EMC8: variants seen among roughly 807,000 people sequenced by gnomAD.
EMC8 encodes the protein ER membrane protein complex subunit 8, also known as COX4 neighbor.
Under a neutral mutation model 24.3 loss-of-function variants are expected in EMC8, and 11 were observed. The observed-to-expected ratio is 0.45, with a 90% CI of 0.28 to 0.75. EMC8 has a LOEUF of 0.75. Among genes scored for constraint, EMC8 ranks in the 30% least tolerant of loss-of-function variants. The pLI, the probability that EMC8 is intolerant of heterozygous loss-of-function variation, is 0.12. For missense variants in EMC8, 277 were observed against 282.7 expected, an observed-to-expected ratio of 0.98 and a Z score of 0.14; for synonymous variants, 145 against 117.7, an observed-to-expected ratio of 1.23 and a Z score of -1.50.
At chr16:85,793,380 A>T (rs944458099) in intron 1 of EMC8, among the ~76,000 whole-genome samples, 1 of 152,220 alleles carries the variant, frequency 6.6e-6, no homozygotes, top group Non-Finnish European at 1.5e-5. Flanking sequence ...ACTGAGAAGG[A>T]AAGTTCCTTC....
At chr16:85,789,103 A>G (rs2152074827) in intron 1 of EMC8, 53 bp from the exon 2 acceptor site, 1 of 1,214,108 alleles carries the variant, frequency 8.2e-7, no homozygotes, top group Non-Finnish European at 1.2e-6. Flanking sequence ...CTTAAATATC[A>G]AGTCGTAAAA....
intron 2 of EMC8, among the ~76,000 whole-genome samples, chr16:85,786,761 A>G (rs1270853139): frequency 1.3e-5 from 2 of 152,172 alleles, no homozygotes; most frequent in Non-Finnish European, 1.5e-5. Flanking sequence ...AGGTATGGAG[A>G]GCAGGAAAAC....
chr16:85,783,298 G>A (rs1325703253), intron 2 of EMC8, among the ~76,000 whole-genome samples: 2 of 848 alleles, frequency 2.4e-3, no homozygotes, highest in African/African-American at 3.5e-3. Flanking sequence ...GAGACTCCAC[G>A]TCAAAAAAAA....
rs1904394887 is a variant in EMC8, at chr16:85,779,632, T to A, written c.*76A>T. 1 of 1,479,870 alleles carries A rather than the reference T, an allele frequency of 6.8e-7. No individual in the cohort carries two copies. The highest frequency in any genetic ancestry group is 2.3e-5 in the East Asian group (1 of 43,860). 91.7% of individuals were successfully genotyped at this position (1,479,870 alleles called of 1,614,324 possible). ...GCTTTCCACACAGGCTACAAGATAT[T>A]TTATTTACATTTAAAAATAGGTTTT... is the stretch of plus-strand genomic sequence containing the variant. On this transcript the variant is annotated 3_prime_UTR_variant, in exon 5 of 5. Transcript: ENST00000253457.
intron 1 of EMC8, chr16:85,798,742 G>A (rs76805068): frequency 0.016 from 5,260 of 318,846 alleles, 257 homozygotes; most frequent in African/African-American, 0.1. Flanking sequence ...AATCCTCAAG[G>A]GAAACTCTGT....
chr16:85,783,386 G>A (rs988517023), intron 2 of EMC8, among the ~76,000 whole-genome samples: 8 of 152,124 alleles, frequency 5.3e-5, no homozygotes, highest in African/African-American at 1.4e-4. Context: ...CACAAACTCC[G>A]GGTCTCAATC....
chr16:85,788,594 G>A lies in EMC8; in HGVS notation c.308+380C>T, dbSNP rs146392132. ...TCAGAGTACTGACCCCAAACCTACA[G>A]GCTGGTCTATTTACCGGCAAATAGA... On this transcript the variant is annotated intron_variant, in intron 2 of 4. Coordinates refer to ENST00000253457, the MANE Select transcript of EMC8 (RefSeq NM_006067.5). Among the ~76,000 whole-genome samples, 139 of 152,320 alleles carry A rather than the reference G, an allele frequency of 9.1e-4. 1 individual carries two copies. The East Asian group carries it at 0.024, about 26-fold the overall frequency.
At chr16:85,797,932 T>A (rs1905315345) in intron 1 of EMC8, among the ~76,000 whole-genome samples, 1 of 152,170 alleles carries the variant, frequency 6.6e-6, no homozygotes, top group Non-Finnish European at 1.5e-5. Context: ...ATAGATGGTC[T>A]TTTTCCCTTC....
At chr16:85,785,532 T>C (rs1427959526) in intron 2 of EMC8, among the ~76,000 whole-genome samples, 2 of 152,136 alleles carry the variant, frequency 1.3e-5, no homozygotes, top group Non-Finnish European at 2.9e-5. Flanking sequence ...ATCGTGCCAC[T>C]GCACTCCAGC....
chr16:85,782,059 C>G (rs1324048253), intron 2 of EMC8, among the ~76,000 whole-genome samples: 1 of 152,226 alleles, frequency 6.6e-6, no homozygotes, highest in Non-Finnish European at 1.5e-5. Context: ...GAGAGCATCT[C>G]CTAACGGAAG....
At chr16:85,784,650 C>A (rs1316080350) in intron 2 of EMC8, 1 of 151,990 alleles carries the variant, frequency 6.6e-6, no homozygotes, top group Non-Finnish European at 1.5e-5. Flanking sequence ...CTTCACTGCA[C>A]TGACCAGGAC....
chr16:85,781,270 C>T lies in EMC8; in HGVS notation c.319G>A (p.Val107Ile). The T allele has an allele frequency of 6.4e-7, 1 of 1,573,234 alleles. No individual in the cohort carries two copies. Residue 107 changes from valine (V) to isoleucine (I), a missense_variant, in exon 3 of 5, where the codon GTT becomes ATT. By Grantham distance (29) the Val-to-Ile change is conservative. Coordinates refer to ENST00000253457, the MANE Select transcript of EMC8 (RefSeq NM_006067.5). ...ATTCTGGAGGCCACCTTCTCTGCAA[C>T]CTGGTTTGGACTGTCAAAGAAATAG... is the stretch of plus-strand genomic sequence containing the variant. Reference protein sequence around the residue: ...ERVKDASPNQVAEKVASRIAE... With the variant: ...ERVKDASPNQIAEKVASRIAE...
At chr16:85,795,938 G>A (rs1905228241) in intron 1 of EMC8, among the ~76,000 whole-genome samples, 1 of 152,096 alleles carries the variant, frequency 6.6e-6, no homozygotes, top group African/African-American at 2.4e-5. Context: ...GGTGTGTGGG[G>A]AAACTCCTAT....
chr16:85,789,750 C>A lies in EMC8; in HGVS notation c.232-700G>T, dbSNP rs181917649. 6.6e-5 allele frequency among the ~76,000 whole-genome samples: 10 copies of A among 152,008 alleles called. No individual in the cohort carries two copies. In the East Asian group the frequency reaches 1.7e-3, roughly 26 times the overall value. Reference sequence around the variant, plus strand: ...GAGGTTGCAGTGAGCCAAGATCATGCCACTGCACTCCAGCCTGGGTGACAA... The same window carrying A: ...GAGGTTGCAGTGAGCCAAGATCATGACACTGCACTCCAGCCTGGGTGACAA... On this transcript the variant is annotated intron_variant, in intron 1 of 4. Transcript: ENST00000253457.
At chr16:85,794,680 C>T (rs1905173104) in intron 1 of EMC8, among the ~76,000 whole-genome samples, 2 of 152,196 alleles carry the variant, frequency 1.3e-5, no homozygotes, top group Non-Finnish European at 2.9e-5. Flanking sequence ...CAGAGTGAGA[C>T]TCCATCTCGG....
intron 3 of EMC8, chr16:85,780,970 T>C: frequency 3.6e-6 from 2 of 550,882 alleles, no homozygotes; most frequent in Admixed American, 3.2e-5. Context: ...TTCTAACAAG[T>C]TCCCAGGTGC....
chr16:85,785,400 T>A (rs1904707477), intron 2 of EMC8, among the ~76,000 whole-genome samples: 1 of 151,986 alleles, frequency 6.6e-6, no homozygotes. Flanking sequence ...TGAAACCCCG[T>A]CTCTACTAAA....
At chr16:85,781,179 G>A (rs774897172) in intron 3 of EMC8, 32 bp downstream of exon 3, 19 of 1,555,874 alleles carry the variant, frequency 1.2e-5, no homozygotes, top group African/African-American at 2.7e-5. Context: ...GAGGCGCAAG[G>A]GCCTCCCACA....
chr16:85,799,040 G>C lies in EMC8; in HGVS notation c.231+25C>G, dbSNP rs968906997. 47 of 1,470,716 alleles carry C rather than the reference G, an allele frequency of 3.2e-5. No individual in the cohort carries two copies. Among genetic ancestry groups the C allele is most frequent in the Non-Finnish European group, 4.2e-5 (45 of 1,080,966 alleles). The allele number at this position is 1,470,716 out of a possible 1,614,324, so 91.1% of individuals were successfully genotyped here. ...GAGGGGAGGCCAGGCTGCCTGCAAGGGGAAGGGGCCCTTTCCGCGCTTACC... is the reference window on the plus strand; with the variant it reads ...GAGGGGAGGCCAGGCTGCCTGCAAGCGGAAGGGGCCCTTTCCGCGCTTACC... On this transcript the variant is annotated intron_variant, in intron 1 of 4. Transcript: ENST00000253457. The surrounding 1 kb of genome is among the most constrained non-coding windows in gnomAD (Gnocchi z 4.2).
Sources: allele counts gnomAD v4.1 joint callset (sites outside exome capture counted in the v4.1 genomes callset), GRCh38; gene constraint gnomAD v4.1.1; non-coding constraint Gnocchi (gnomAD v3.1); transcripts MANE v1.5; gene names NCBI Gene and HGNC (gene_info 2026-07-23, HGNC 2026-07-21).